The following NAGS variants were observed in gnomAD, a reference collection of about 807,000 sequenced individuals.
NAGS encodes N-acetylglutamate synthase, mitochondrial.
Under a neutral mutation model 46.9 loss-of-function variants are expected in NAGS, and 34 were observed. That is an observed-to-expected ratio of 0.72 (90% CI 0.55 to 0.97). The LOEUF is 0.97. NAGS is among the 50% of genes least tolerant of loss of function. The pLI, the probability that NAGS is intolerant of heterozygous loss-of-function variation, is 0.00. For synonymous variants in NAGS, 334 were observed against 346.3 expected (o/e 0.96, Z 0.39); for missense variants, 665 against 747.0 (o/e 0.89, Z 1.28).
Position 44,006,866 on chromosome 17 carries a change from C to T in NAGS, c.1096+157C>T. On this transcript the variant is annotated intron_variant, in intron 4 of 6. Transcript: ENST00000293404. The surrounding 1 kb of genome is among the most constrained non-coding windows in gnomAD (Gnocchi z 4.8). ...AATGGCTCCTGCTGCTGCCGAAACC[C>T]GGGGGAGGTGAGAGAGGAGGAGACC... is the stretch of plus-strand genomic sequence containing the variant. 1 of 664,376 alleles carries T rather than the reference C, an allele frequency of 1.5e-6. No individual in the cohort carries two copies. The allele number at this position is 664,376 out of a possible 1,614,324, so 41.2% of individuals were successfully genotyped here.
At position 44,005,234 on chromosome 17, in the gene NAGS, G is replaced by T; in HGVS notation, c.426+145G>T. The T allele has an allele frequency of 7.0e-7, 1 of 1,425,146 alleles. No individual in the cohort carries two copies. Among genetic ancestry groups the T allele is most frequent in the South Asian group, 1.5e-5 (1 of 67,294 alleles). The allele number at this position is 1,425,146 out of a possible 1,614,324, so 88.3% of individuals were successfully genotyped here. Reference sequence around the variant, plus strand: ...GCAGGGCCCAGACCAGCGCCGCCGGGAATGGGAGAGGCCGTAAGCTCCTCC... The same window carrying T: ...GCAGGGCCCAGACCAGCGCCGCCGGTAATGGGAGAGGCCGTAAGCTCCTCC... On this transcript the variant is annotated intron_variant, in intron 1 of 6. Transcript: ENST00000293404. This position sits in a 1 kb window ranked among gnomAD's most constrained non-coding sequence, Gnocchi z 7.2.
rs2049100813 is a variant in NAGS at position 44,006,914 on chromosome 17, G to A, written c.1096+205G>A. ...ACCCAGTGTACTGGAAGGGAACTCC[G>A]AAGGAATTAAAGGAATGGGCGGGAC... is the stretch of plus-strand genomic sequence containing the variant. On this transcript the variant is annotated intron_variant, in intron 4 of 6. Transcript: ENST00000293404. The surrounding 1 kb of genome is among the most constrained non-coding windows in gnomAD (Gnocchi z 4.8). The A allele has an allele frequency of 2.3e-6, 1 of 434,726 alleles. No homozygotes were observed. Among genetic ancestry groups the A allele is most frequent in the Admixed American group, 3.7e-5 (1 of 26,962 alleles). The allele number at this position is 434,726 out of a possible 1,614,324, so 26.9% of individuals were successfully genotyped here. A position where few individuals can be genotyped will look rare whatever the true frequency, so the allele number is the denominator to read the frequency against.
chr17:44,004,658 G>A lies in NAGS; in HGVS notation c.-6G>A. ...CACTCTTGGGGGGCAAGAGTTGGTT[G>A]TCGTCATGGCGACGGCGCTGATGGC... On this transcript the variant is annotated 5_prime_UTR_variant, in exon 1 of 7. Coordinates refer to ENST00000293404, the MANE Select transcript of NAGS (RefSeq NM_153006.3). 6.6e-7 allele frequency: 1 copy of A among 1,520,606 alleles called. No homozygotes were observed. Among genetic ancestry groups the A allele is most frequent in the Non-Finnish European group, 8.8e-7 (1 of 1,131,878 alleles). 94.2% of individuals were successfully genotyped at this position (1,520,606 alleles called of 1,614,324 possible). A position where few individuals can be genotyped will look rare whatever the true frequency, so the allele number is the denominator to read the frequency against.
At position 44,007,499 on chromosome 17, in the gene NAGS, G is replaced by A; in HGVS notation, c.1268+5G>A. On this transcript the variant is annotated splice_donor_5th_base_variant and intron_variant, in intron 5 of 6. Transcript: ENST00000293404. This position sits in a 1 kb window ranked among gnomAD's most constrained non-coding sequence, Gnocchi z 5.1. ...CTCCATCTACGTCTCCGAGGGGTAA[G>A]CCTGCGGACCCCAGAGGGCGGGGTC... 6.2e-7 allele frequency: 1 copy of A among 1,613,690 alleles called. No homozygotes were observed. Among genetic ancestry groups the A allele is most frequent in the South Asian group, 1.1e-5 (1 of 91,068 alleles).
chr17:44,006,524 C>T lies in NAGS; in HGVS notation c.916-5C>T. The T allele has an allele frequency of 6.4e-7, 1 of 1,552,276 alleles. No homozygotes were observed. The highest frequency in any genetic ancestry group is 1.4e-5 in the African/African-American group (1 of 73,286). ...GCCAGGCTCACCCGCTGACTCCGGA[C>T]ACAGGTCCTGAGTAACGTGAACCTG... On this transcript the variant is annotated splice_region_variant and splice_polypyrimidine_tract_variant and intron_variant, in intron 3 of 6. Coordinates refer to ENST00000293404, the MANE Select transcript of NAGS (RefSeq NM_153006.3). This position sits in a 1 kb window ranked among gnomAD's most constrained non-coding sequence, Gnocchi z 4.8.
chr17:44,006,657 G>A lies in NAGS; in HGVS notation c.1044G>A (p.Ser348=). 6.2e-7 allele frequency: 1 copy of A among 1,608,404 alleles called. No homozygotes were observed. Among genetic ancestry groups the A allele is most frequent in the Non-Finnish European group, 8.5e-7 (1 of 1,177,244 alleles). Residue 348 remains serine, a synonymous_variant, in exon 4 of 7, where the codon TCG becomes TCA. Transcript: ENST00000293404. This position sits in a 1 kb window ranked among gnomAD's most constrained non-coding sequence, Gnocchi z 4.8. ...DVLSRLPHHS[S]AVITAASTLL... is the part of the protein sequence containing the mutation. Reference sequence around the variant, plus strand: ...TCAGCCGCCTGCCCCACCACTCCTCGGCCGTCATCACCGCCGCTAGCACGC... The same window carrying A: ...TCAGCCGCCTGCCCCACCACTCCTCAGCCGTCATCACCGCCGCTAGCACGC...
Position 44,007,904 on chromosome 17 carries a change from A to G in NAGS, c.1451+131A>G. 1 of 926,910 alleles carries G rather than the reference A, an allele frequency of 1.1e-6. No homozygotes were observed. Among genetic ancestry groups the G allele is most frequent in the African/African-American group, 1.6e-5 (1 of 60,856 alleles). The allele number at this position is 926,910 out of a possible 1,614,324, so 57.4% of individuals were successfully genotyped here. ...CTCCCTTTCACTACCTCCCAGGGGCAGAACACACAGAAAGCCTGAGATTTC... is the reference window on the plus strand; with the variant it reads ...CTCCCTTTCACTACCTCCCAGGGGCGGAACACACAGAAAGCCTGAGATTTC... On this transcript the variant is annotated intron_variant, in intron 6 of 6. Coordinates refer to ENST00000293404, the MANE Select transcript of NAGS (RefSeq NM_153006.3). This position sits in a 1 kb window ranked among gnomAD's most constrained non-coding sequence, Gnocchi z 5.1.
At position 44,007,684 on chromosome 17, in the gene NAGS, A is replaced by G. The variant is rs765071837; in HGVS notation, c.1362A>G (p.Gln454=). 1.2e-6 allele frequency: 2 copies of G among 1,604,798 alleles called. No individual in the cohort carries two copies. The highest frequency in any genetic ancestry group is 1.7e-5 in the Admixed American group (1 of 59,166). The change falls in exon 6 of 7, where the codon CAA becomes CAG. Residue 454 remains glutamine (Q), a synonymous_variant. Transcript: ENST00000293404. This position sits in a 1 kb window ranked among gnomAD's most constrained non-coding sequence, Gnocchi z 5.1. ...TGGTGAGCTCCAGCCGCCAGGGCCA[A>G]GGCTCCGGCCAGATGCTGTGGGAGT... The part of the protein sequence containing the change: ...KFVVSSSRQG[Q]GSGQMLWECL...
Position 44,005,056 on chromosome 17 carries a change from T to A in NAGS, c.393T>A (p.His131Gln), listed in dbSNP as rs778290685. Reference protein sequence around the residue: ...RHWLTQFQTCHHSADKPFAVI... With the variant: ...RHWLTQFQTCQHSADKPFAVI... ...GGCTCACGCAGTTCCAGACCTGCCA[T>A]CACTCCGCGGACAAGCCCTTCGCCG... The change falls in exon 1 of 7, where the codon CAT becomes CAA. Residue 131 changes from histidine to glutamine, a missense_variant. Transcript: ENST00000293404. The surrounding 1 kb of genome is among the most constrained non-coding windows in gnomAD (Gnocchi z 7.2). The A allele has an allele frequency of 1.3e-6, 2 of 1,573,650 alleles. No individual in the cohort carries two copies. Among genetic ancestry groups the A allele is most frequent in the Admixed American group, 3.6e-5 (2 of 56,160 alleles).
In NAGS at chr17:44,007,051, G is replaced by A. The variant is rs2049103235; in HGVS notation, c.1097-272G>A. The A allele has an allele frequency of 1.7e-6, 1 of 580,122 alleles. No homozygotes were observed. The highest frequency in any genetic ancestry group is 2.1e-5 in the South Asian group (1 of 46,628). The allele number at this position is 580,122 out of a possible 1,614,324, so 35.9% of individuals were successfully genotyped here. A position where few individuals can be genotyped will look rare whatever the true frequency, so the allele number is the denominator to read the frequency against. ...CTTAGGTGGGTGGGCCGGGTCAGCG[G>A]CGGGAGACAGACTTCAAGGAGCGAG... On this transcript the variant is annotated intron_variant, in intron 4 of 6. Coordinates refer to ENST00000293404, the MANE Select transcript of NAGS (RefSeq NM_153006.3). This position sits in a 1 kb window ranked among gnomAD's most constrained non-coding sequence, Gnocchi z 5.1.
Position 44,008,528 on chromosome 17 carries a change from C to G in NAGS, c.1532C>G (p.Ser511Cys). Residue 511 changes from serine to cysteine, a missense_variant, in exon 7 of 7, where the codon TCC becomes TGC. Physicochemically the swap from Ser to Cys is moderately radical, Grantham distance 112 (BLOSUM62 -1). Coordinates refer to ENST00000293404, the MANE Select transcript of NAGS (RefSeq NM_153006.3). Reference sequence around the variant, plus strand: ...TTTGGCCTGGCTGATATCCGGGACTCCTATGAGTTGGTCAACCACGCCAAG... The same window carrying G: ...TTTGGCCTGGCTGATATCCGGGACTGCTATGAGTTGGTCAACCACGCCAAG... Reference protein sequence around the residue: ...FWFGLADIRDSYELVNHAKGL... With the variant: ...FWFGLADIRDCYELVNHAKGL... 2.5e-6 allele frequency: 4 copies of G among 1,614,272 alleles called. No individual in the cohort carries two copies. Among genetic ancestry groups the G allele is most frequent in the Non-Finnish European group, 3.4e-6 (4 of 1,180,050 alleles).
rs2049105418 is a variant in NAGS at position 44,007,245 on chromosome 17, G to A, written c.1097-78G>A. ...CAAAGACGGAAATTGTCCCACCAGC[G>A]CCTGTCCTACCTGCAGTCCCCACCA... On this transcript the variant is annotated intron_variant, in intron 4 of 6. Transcript: ENST00000293404. This position sits in a 1 kb window ranked among gnomAD's most constrained non-coding sequence, Gnocchi z 5.1. The A allele has an allele frequency of 1.0e-5, 14 of 1,405,842 alleles. No homozygotes were observed. The highest frequency in any genetic ancestry group is 8.6e-5 in the South Asian group (7 of 80,962). 87.1% of individuals were successfully genotyped at this position (1,405,842 alleles called of 1,614,324 possible).
rs2143983603 is a variant in NAGS at position 44,005,873 on chromosome 17, G to A, written c.663G>A (p.Gly221=). Residue 221 remains glycine, a synonymous_variant, in exon 2 of 7, where the codon GGG becomes GGA. Coordinates refer to ENST00000293404, the MANE Select transcript of NAGS (RefSeq NM_153006.3). This position sits in a 1 kb window ranked among gnomAD's most constrained non-coding sequence, Gnocchi z 7.2. ...CTGCTGTGCCATTTTTTGGCGGCGG[G>A]TCTGTGCTACGCGCTGCCGAGCCGG... ...AAAAVPFFGG[G]SVLRAAEPAP... The A allele has an allele frequency of 1.3e-6, 2 of 1,551,694 alleles. No homozygotes were observed. The highest frequency in any genetic ancestry group is 2.4e-5 in the South Asian group (2 of 84,660).
chr17:44,005,050 C>T lies in NAGS; in HGVS notation c.387C>T (p.Thr129=). 2.5e-6 allele frequency: 4 copies of T among 1,572,846 alleles called. No individual in the cohort carries two copies. Among genetic ancestry groups the T allele is most frequent in the Non-Finnish European group, 3.4e-6 (4 of 1,163,886 alleles). The change falls in exon 1 of 7, where the codon ACC becomes ACT. Residue 129 remains threonine, a synonymous_variant. Coordinates refer to ENST00000293404, the MANE Select transcript of NAGS (RefSeq NM_153006.3). The surrounding 1 kb of genome is among the most constrained non-coding windows in gnomAD (Gnocchi z 7.2). ...EARHWLTQFQ[T]CHHSADKPFA... is the part of the protein sequence containing the mutation. ...GCCACTGGCTCACGCAGTTCCAGAC[C>T]TGCCATCACTCCGCGGACAAGCCCT... is the stretch of plus-strand genomic sequence containing the variant.
rs2049126636 is a variant in NAGS, at chr17:44,008,781, G to A, written c.*180G>A. On this transcript the variant is annotated 3_prime_UTR_variant, in exon 7 of 7. Transcript: ENST00000293404. ...AGGCGCTGAAGTGGGACAAGCACAGGAAAGAAGGGGACCAGTCTAGGACCC... is the reference window on the plus strand; with the variant it reads ...AGGCGCTGAAGTGGGACAAGCACAGAAAAGAAGGGGACCAGTCTAGGACCC... 1 of 786,088 alleles carries A rather than the reference G, an allele frequency of 1.3e-6. No individual in the cohort carries two copies. Among genetic ancestry groups the A allele is most frequent in the East Asian group, 2.7e-5 (1 of 37,582 alleles). 48.7% of individuals were successfully genotyped at this position (786,088 alleles called of 1,614,324 possible).
intron 6 of NAGS, 68 bp from the exon 7 acceptor site, chr17:44,008,380 G>C: frequency 6.3e-7 from 1 of 1,578,584 alleles, no homozygotes; most frequent in South Asian, 1.1e-5. Context: ...TTTAAAGACA[G>C]AACCAGTGAG....
In NAGS at chr17:44,007,503, G is replaced by A. The variant is rs1364540175; in HGVS notation, c.1268+9G>A. 3.7e-6 allele frequency: 6 copies of A among 1,613,610 alleles called. No homozygotes were observed. Among genetic ancestry groups the A allele is most frequent in the African/African-American group, 1.3e-5 (1 of 75,046 alleles). On this transcript the variant is annotated intron_variant, in intron 5 of 6. Coordinates refer to ENST00000293404, the MANE Select transcript of NAGS (RefSeq NM_153006.3). The surrounding 1 kb of genome is among the most constrained non-coding windows in gnomAD (Gnocchi z 5.1). The stretch of plus-strand genomic sequence containing the variant: ...ATCTACGTCTCCGAGGGGTAAGCCT[G>A]CGGACCCCAGAGGGCGGGGTCTGGG...
chr17:44,006,259 TC>T lies in NAGS; in HGVS notation c.915+27del. On this transcript the variant is annotated intron_variant, in intron 3 of 6. Coordinates refer to ENST00000293404, the MANE Select transcript of NAGS (RefSeq NM_153006.3). The surrounding 1 kb of genome is among the most constrained non-coding windows in gnomAD (Gnocchi z 4.8). The stretch of plus-strand genomic sequence containing the variant: ...TAAGGTGCGGCCCTTTCTTTCACCT[TC>T]CCCCACGCCGGCGATCCGGGCCTTC... 1 of 1,609,672 alleles carries T rather than the reference TC, an allele frequency of 6.2e-7. No individual in the cohort carries two copies. The highest frequency in any genetic ancestry group is 1.7e-5 in the Admixed American group (1 of 59,716).
rs888142060 is a variant in NAGS, at chr17:44,006,824, G to T, written c.1096+115G>T. 3.0e-5 allele frequency: 35 copies of T among 1,178,866 alleles called. No homozygotes were observed. The highest frequency in any genetic ancestry group is 2.1e-4 in the Admixed American group (8 of 37,494). The allele number at this position is 1,178,866 out of a possible 1,614,324, so 73.0% of individuals were successfully genotyped here. Reference sequence around the variant, plus strand: ...TCCTGTCCAGGAGCCGTAGGGGGAGGCGGGGGGTGTCACAGCAATGGCTCC... The same window carrying T: ...TCCTGTCCAGGAGCCGTAGGGGGAGTCGGGGGGTGTCACAGCAATGGCTCC... On this transcript the variant is annotated intron_variant, in intron 4 of 6. Transcript: ENST00000293404. The surrounding 1 kb of genome is among the most constrained non-coding windows in gnomAD (Gnocchi z 4.8).
Sources: gnomAD v4.1 joint callset for allele counts on GRCh38, gnomAD v4.1.1 for gene constraint, Gnocchi (gnomAD v3.1) non-coding constraint, MANE v1.5 for transcripts, NCBI Gene and HGNC (gene_info 2026-07-23, HGNC 2026-07-21) for gene names.